JAZF1: variants seen among roughly 807,000 people sequenced by gnomAD.
JAZF1 encodes the protein juxtaposed with another zinc finger protein 1.
Under a neutral mutation model 26.4 loss-of-function variants are expected in JAZF1, and 8 were observed. The observed-to-expected ratio is 0.30, with a 90% CI of 0.18 to 0.55. JAZF1 has a LOEUF of 0.55. Ranked by LOEUF, JAZF1 falls within the 20% of genes least tolerant of loss-of-function variation. The pLI, the probability that JAZF1 is intolerant of heterozygous loss-of-function variation, is 0.94. For missense variants in JAZF1, 199 were observed against 322.0 expected (o/e 0.62, Z 2.92); for synonymous variants, 126 against 122.3 (o/e 1.03, Z -0.20).
intron 2 of JAZF1, among the ~76,000 whole-genome samples, chr7:27,924,758 T>C (rs2128348729): frequency 6.6e-6 from 1 of 152,342 alleles, no homozygotes; most frequent in South Asian, 2.1e-4. Context: ...TTTCTTCTCA[T>C]TTTTATGAAT....
At chr7:28,107,254 GT>G (rs1784567691) in intron 1 of JAZF1, among the ~76,000 whole-genome samples, 1 of 152,164 alleles carries the variant, frequency 6.6e-6, no homozygotes, top group Non-Finnish European at 1.5e-5. Context: ...CATGGGCAGA[GT>G]TTTACAACCA....
At chr7:27,933,478 C>A (rs143755969) in intron 2 of JAZF1, among the ~76,000 whole-genome samples, 3 of 152,198 alleles carry the variant, frequency 2.0e-5, no homozygotes, top group African/African-American at 4.8e-5. Context: ...AAAAAACACA[C>A]ATAAATATTA....
At chr7:28,081,510 G>T (rs1784136740) in intron 1 of JAZF1, among the ~76,000 whole-genome samples, 1 of 152,206 alleles carries the variant, frequency 6.6e-6, no homozygotes, top group Non-Finnish European at 1.5e-5. Flanking sequence ...TCTTCACGCT[G>T]CTTAGCTGGG....
At chr7:27,877,521 C>T (rs1166597132) in intron 3 of JAZF1, among the ~76,000 whole-genome samples, 2 of 152,114 alleles carry the variant, frequency 1.3e-5, no homozygotes, top group Non-Finnish European at 2.9e-5. Context: ...TGTGTTCCTT[C>T]AATATGGGGA....
At chr7:27,895,117 TGTC>T (rs1784037067) in intron 3 of JAZF1, 100 bp downstream of exon 3, 1 of 588,434 alleles carries the variant, frequency 1.7e-6, no homozygotes, top group South Asian at 3.1e-5. Flanking sequence ...GGTGGGTCTG[TGTC>T]GTCATCTGTC....
intron 1 of JAZF1, among the ~76,000 whole-genome samples, chr7:28,036,365 T>G (rs1314141271): frequency 6.6e-6 from 1 of 152,214 alleles, no homozygotes; most frequent in Non-Finnish European, 1.5e-5. Context: ...TTTTCTTATG[T>G]TTTGTACAGT....
At chr7:27,909,703 T>C (rs191726737) in intron 2 of JAZF1, among the ~76,000 whole-genome samples, 55 of 151,820 alleles carry the variant, frequency 3.6e-4, no homozygotes, top group African/African-American at 1.3e-3. Context: ...TGAAACTCCA[T>C]CTCAAAAACA....
intron 1 of JAZF1, among the ~76,000 whole-genome samples, chr7:28,134,807 C>T (rs1263111712): frequency 6.6e-6 from 1 of 152,044 alleles, no homozygotes; most frequent in Non-Finnish European, 1.5e-5. Context: ...CTGTTTTACA[C>T]TATCATTTAT....
intron 1 of JAZF1, among the ~76,000 whole-genome samples, chr7:28,085,693 A>C (rs1784202435): frequency 6.6e-6 from 1 of 152,226 alleles, no homozygotes; most frequent in Non-Finnish European, 1.5e-5. Context: ...TATATTTATG[A>C]GGCAGGTAAA....
At chr7:27,900,141 TTCTC>T (rs1412089138) in intron 2 of JAZF1, among the ~76,000 whole-genome samples, 1 of 152,198 alleles carries the variant, frequency 6.6e-6, no homozygotes, top group African/African-American at 2.4e-5. Context: ...CCTCCCAGAA[TTCTC>T]TCTGCTTTGC....
intron 1 of JAZF1, among the ~76,000 whole-genome samples, chr7:28,102,943 A>G (rs1784496024): frequency 6.6e-6 from 1 of 152,242 alleles, no homozygotes; most frequent in African/African-American, 2.4e-5. Context: ...GCAGAGAGAA[A>G]GTGAACTTGA....
intron 3 of JAZF1, among the ~76,000 whole-genome samples, chr7:27,862,821 T>G (rs1000724699): frequency 6.6e-6 from 1 of 152,246 alleles, no homozygotes; most frequent in Non-Finnish European, 1.5e-5. Context: ...CGTGTTCACA[T>G]CACCTTTTTA....
chr7:27,936,193 G>C (rs1207827103), intron 2 of JAZF1, among the ~76,000 whole-genome samples: 1 of 152,216 alleles, frequency 6.6e-6, no homozygotes, highest in Non-Finnish European at 1.5e-5. Context: ...ATACTTTAGG[G>C]AAAAGAGAGA....
rs998734919 is a variant in JAZF1 at position 27,840,448 on chromosome 7, C to T, written c.555+250G>A. On this transcript the variant is annotated intron_variant, in intron 4 of 4. Transcript: ENST00000283928. This position sits in a 1 kb window ranked among gnomAD's most constrained non-coding sequence, Gnocchi z 5.1. ...AAGACATGATCCTCCTACAAAAGCT[C>T]TCTCTTGACTGCCAGGCTCCCACGT... Among the ~76,000 whole-genome samples, 1 of 152,260 alleles carries T rather than the reference C, an allele frequency of 6.6e-6. No homozygotes were observed. Among genetic ancestry groups the T allele is most frequent in the Non-Finnish European group, 1.5e-5 (1 of 68,046 alleles).
intron 1 of JAZF1, among the ~76,000 whole-genome samples, chr7:28,089,324 T>A (rs548366077): frequency 6.6e-6 from 1 of 152,172 alleles, no homozygotes; most frequent in Non-Finnish European, 1.5e-5. Flanking sequence ...ACCACAGCCA[T>A]CTGCAAACCA....
At chr7:27,929,526 T>A (rs1784652426) in intron 2 of JAZF1, among the ~76,000 whole-genome samples, 2 of 152,242 alleles carry the variant, frequency 1.3e-5, no homozygotes, top group Admixed American at 1.3e-4. Context: ...AGTTTGCCAG[T>A]TACAAGCACT....
chr7:28,018,121 T>C (rs1174678541), intron 1 of JAZF1, among the ~76,000 whole-genome samples: 1 of 152,066 alleles, frequency 6.6e-6, no homozygotes, highest in Non-Finnish European at 1.5e-5. Flanking sequence ...AGCCTTTCCA[T>C]GGAGATGATG....
chr7:27,868,995 T>C (rs1208589200), intron 3 of JAZF1, among the ~76,000 whole-genome samples: 1 of 152,178 alleles, frequency 6.6e-6, no homozygotes, highest in Non-Finnish European at 1.5e-5. Flanking sequence ...CCTTTGTTCA[T>C]TCAACTTCAG....
intron 1 of JAZF1, among the ~76,000 whole-genome samples, chr7:28,104,809 G>T (rs747651430): frequency 2.1e-4 from 32 of 152,302 alleles, no homozygotes; most frequent in Non-Finnish European, 3.7e-4. Context: ...AAGAATAAGG[G>T]GAGATTAAAA....
Sources: allele counts gnomAD v4.1 joint callset (sites outside exome capture counted in the v4.1 genomes callset), GRCh38; gene constraint gnomAD v4.1.1; non-coding constraint Gnocchi (gnomAD v3.1); transcripts MANE v1.5; gene names NCBI Gene and HGNC (gene_info 2026-07-23, HGNC 2026-07-21).